Variants in ACSM2B observed in about 807,000 individuals in gnomAD.
The protein encoded by ACSM2B is acyl-coenzyme A synthetase ACSM2B, mitochondrial.
Under a neutral mutation model 78.6 loss-of-function variants are expected in ACSM2B, and 58 were observed. That is an observed-to-expected ratio of 0.74 (90% CI 0.60 to 0.92). The LOEUF is 0.92. ACSM2B is among the 40% of genes least tolerant of loss of function. The probability of loss-of-function intolerance (pLI) is 0.00; values close to 1 mark genes in which losing one functional copy is unlikely to be tolerated. For synonymous variants in ACSM2B, 257 were observed against 256.8 expected, an observed-to-expected ratio of 1.00 and a Z score of -0.01; for missense variants, 688 against 711.2, an observed-to-expected ratio of 0.97 and a Z score of 0.37.
At chr16:20,558,433 C>G (rs1202548095) in intron 3 of ACSM2B, among the ~76,000 whole-genome samples, 3 of 150,946 alleles carry the variant, frequency 2.0e-5, no homozygotes, top group Admixed American at 1.3e-4. Flanking sequence ...CATCCTTCAA[C>G]TTGGCTGTCT....
At chr16:20,545,363 G>T in intron 9 of ACSM2B, 105 bp from the exon 10 acceptor site, 1 of 1,346,064 alleles carries the variant, frequency 7.4e-7, no homozygotes, top group Non-Finnish European at 1.0e-6. Context: ...TCTTGCTCTA[G>T]TGGAGACTGA....
chr16:20,567,253 A>G (rs1369209897), intron 1 of ACSM2B, among the ~76,000 whole-genome samples: 1 of 128,104 alleles, frequency 7.8e-6, no homozygotes, highest in Admixed American at 9.6e-5. Flanking sequence ...AATATATAAT[A>G]TATAATATAT....
At position 20,555,366 on chromosome 16, in the gene ACSM2B, CT is replaced by C. The variant is rs1246908622; in HGVS notation, c.498del (p.Val167TrpfsTer11). 6.2e-7 allele frequency: 1 copy of C among 1,613,866 alleles called. No individual in the cohort carries two copies. The highest frequency in any genetic ancestry group is 2.2e-5 in the East Asian group (1 of 44,888). On this transcript the variant is annotated frameshift_variant, in exon 4 of 14. Coordinates refer to ENST00000329697, the MANE Select transcript of ACSM2B (RefSeq NM_001105069.2). LOFTEE classifies it high-confidence loss of function. ...GGACATTCAGATGCCACTGTGTCCA[CT>C]TCTTGGATGACTTCATCCCCAGCAA... is the stretch of plus-strand genomic sequence containing the variant. ...AIVAGDEVIQEVDTVASECPS... is the reference protein window; with the variant it reads ...AIVAGDEVIQXVDTVASECPS...
intron 7 of ACSM2B, 29 bp downstream of exon 7, chr16:20,548,365 T>A (rs1314600916): frequency 1.2e-6 from 2 of 1,613,228 alleles, no homozygotes; most frequent in Non-Finnish European, 1.7e-6. Flanking sequence ...GGGGCCAGAC[T>A]CTCTTACCAA....
intron 1 of ACSM2B, among the ~76,000 whole-genome samples, chr16:20,566,381 A>G (rs1369035001): frequency 7.5e-6 from 1 of 133,574 alleles, no homozygotes; most frequent in Non-Finnish European, 1.6e-5. Context: ...TAAAATATAT[A>G]TACTACATTA....
rs12934341 is a variant in ACSM2B at position 20,543,070 on chromosome 16, G to A, written c.1410-57C>T. 7,831 of 1,599,490 alleles carry A rather than the reference G, an allele frequency of 4.9e-3. 454 individuals carry two copies. In the African/African-American group the frequency reaches 0.087, roughly 18 times the overall value. On this transcript the variant is annotated intron_variant, in intron 11 of 13. Coordinates refer to ENST00000329697, the MANE Select transcript of ACSM2B (RefSeq NM_001105069.2). ...GGACACCGAACCTCTAGGCCATTCC[G>A]GAAGTCTGGAACCAGCCAGAGTAAA...
rs765513555 is a variant in ACSM2B, at chr16:20,553,882, C to G, written c.635G>C (p.Ser212Thr). Reference sequence around the variant, plus strand: ...GAAGTAGATGGCAGATGCTTCCTGGCTTCCAGTCTCCACACAGTGATGAGT... The same window carrying G: ...GAAGTAGATGGCAGATGCTTCCTGGGTTCCAGTCTCCACACAGTGATGAGT... ...STTHHCVETGSQEASAIYFTS... is the reference protein window; with the variant it reads ...STTHHCVETGTQEASAIYFTS... The change falls in exon 5 of 14, where the codon AGC becomes ACC. Residue 212 changes from serine to threonine, a missense_variant. Transcript: ENST00000329697. The G allele has an allele frequency of 5.6e-6, 9 of 1,613,848 alleles. No homozygotes were observed. Among genetic ancestry groups the G allele is most frequent in the Non-Finnish European group, 5.9e-6 (7 of 1,179,802 alleles).
At position 20,552,124 on chromosome 16, in the gene ACSM2B, C is replaced by T; in HGVS notation, c.894+20G>A. The T allele has an allele frequency of 6.3e-7, 1 of 1,579,002 alleles. No homozygotes were observed. The highest frequency in any genetic ancestry group is 1.2e-5 in the South Asian group (1 of 83,584). ...TCGGGCTCACTCTGAATAACTGCTG[C>T]AAACTGGATCCTCTCTTACCTTTAG... On this transcript the variant is annotated intron_variant, in intron 6 of 13. Coordinates refer to ENST00000329697, the MANE Select transcript of ACSM2B (RefSeq NM_001105069.2).
chr16:20,572,879 A>T (rs1234007074), intron 1 of ACSM2B, among the ~76,000 whole-genome samples: 5 of 150,930 alleles, frequency 3.3e-5, no homozygotes, highest in Admixed American at 6.6e-5. Flanking sequence ...GAGGCTTTTC[A>T]GTGCGTTTTT....
chr16:20,557,861 C>T (rs1213937063), intron 3 of ACSM2B, among the ~76,000 whole-genome samples: 1 of 152,178 alleles, frequency 6.6e-6, no homozygotes, highest in Admixed American at 6.5e-5. Context: ...TCTGACATAG[C>T]TGACTTCATC....
rs2015568602 is a variant in ACSM2B, at chr16:20,559,283, G to A, written c.342C>T (p.Pro114=). 2 of 1,613,636 alleles carry A rather than the reference G, an allele frequency of 1.2e-6. No individual in the cohort carries two copies. Among genetic ancestry groups the A allele is most frequent in the African/African-American group, 2.7e-5 (2 of 74,944 alleles). Reference sequence around the variant, plus strand: ...TCACCAGCCACCACTCAGGCACTCGGGGCAGCATCACTGCCACACGATCCC... The same window carrying A: ...TCACCAGCCACCACTCAGGCACTCGAGGCAGCATCACTGCCACACGATCCC... ...QRGDRVAVML[P]RVPEWWLVIL... is the part of the protein sequence containing the mutation. The change falls in exon 3 of 14, where the codon CCC becomes CCT. Residue 114 remains proline, a synonymous_variant. Coordinates refer to ENST00000329697, the MANE Select transcript of ACSM2B (RefSeq NM_001105069.2).
At chr16:20,540,929 A>T (rs1238000376) in intron 12 of ACSM2B, 156 bp from the exon 13 acceptor site, 12 of 1,190,000 alleles carry the variant, frequency 1.0e-5, no homozygotes, top group African/African-American at 1.5e-5. Flanking sequence ...ACTGGGGACA[A>T]GAATGAGGTT....
chr16:20,542,021 T>C (rs1324620655), intron 12 of ACSM2B: 1 of 152,140 alleles, frequency 6.6e-6, no homozygotes, highest in Non-Finnish European at 1.5e-5. Context: ...GACATTTTGT[T>C]ACACGCAAAT....
At chr16:20,549,339 T>C (rs537177701) in intron 6 of ACSM2B, among the ~76,000 whole-genome samples, 11 of 152,162 alleles carry the variant, frequency 7.2e-5, no homozygotes, top group Admixed American at 2.0e-4. Context: ...AAGTCCAAGG[T>C]CAAGAAGCTG....
chr16:20,553,500 G>A (rs1198971142), intron 5 of ACSM2B, among the ~76,000 whole-genome samples: 1 of 152,212 alleles, frequency 6.6e-6, no homozygotes, highest in Non-Finnish European at 1.5e-5. Flanking sequence ...TCAGCCTGGG[G>A]AAATGCACGT....
chr16:20,553,676 C>G (rs2015382740), intron 5 of ACSM2B, 101 bp downstream of exon 5: 1 of 1,513,032 alleles, frequency 6.6e-7, no homozygotes, highest in African/African-American at 1.4e-5. Flanking sequence ...TTTCTCAGAA[C>G]CACAAGGTGG....
intron 5 of ACSM2B, 64 bp from the exon 6 acceptor site, chr16:20,552,361 T>TAAGGTG: frequency 6.4e-7 from 1 of 1,555,298 alleles, no homozygotes; most frequent in Non-Finnish European, 8.7e-7. Context: ...CGTGGGACAC[T>TAAGGTG]AAGGTGTAGG....
intron 13 of ACSM2B, among the ~76,000 whole-genome samples, chr16:20,538,299 C>T (rs1183802538): frequency 2.0e-5 from 3 of 152,244 alleles, no homozygotes; most frequent in East Asian, 1.9e-4. Context: ...AACTATGGCC[C>T]GCAGGCAAAA....
intron 5 of ACSM2B, among the ~76,000 whole-genome samples, chr16:20,552,723 T>G (rs2015357941): frequency 6.6e-6 from 1 of 152,212 alleles, no homozygotes; most frequent in Non-Finnish European, 1.5e-5. Context: ...CTTTAAGTAC[T>G]GCAAATTGCC....
Sources: allele counts gnomAD v4.1 joint callset (sites outside exome capture counted in the v4.1 genomes callset), GRCh38; gene constraint gnomAD v4.1.1; transcripts MANE v1.5; gene names NCBI Gene and HGNC (gene_info 2026-07-23, HGNC 2026-07-21).